Variants in CEP112 observed in about 807,000 individuals in gnomAD.
CEP112 encodes centrosomal protein 112, also known as centrosomal protein of 112 kDa.
Under a neutral mutation model 153.0 loss-of-function variants are expected in CEP112, and 127 were observed. That is an observed-to-expected ratio of 0.83 (90% confidence interval 0.72 to 0.96). CEP112 has a LOEUF of 0.96. Among genes scored for constraint, CEP112 ranks in the 40% least tolerant of loss-of-function variants. The pLI is 0.00. For synonymous variants in CEP112, 358 were observed against 374.4 expected, an observed-to-expected ratio of 0.96 and a Z score of 0.51; for missense variants, 1,089 against 1,101.2, an observed-to-expected ratio of 0.99 and a Z score of 0.16.
In CEP112 at chr17:66,052,558, C is replaced by T. The variant is rs142211261; in HGVS notation, c.1218+1178G>A. On this transcript the variant is annotated intron_variant, in intron 12 of 26. Transcript: ENST00000535342. Reference sequence around the variant, plus strand: ...TGGGAGATCCTCTATCTCATCCTGACCAGTGTCACAGGTCTCTCTGCTGTG... The same window carrying T: ...TGGGAGATCCTCTATCTCATCCTGATCAGTGTCACAGGTCTCTCTGCTGTG... Among the ~76,000 whole-genome samples, 9 of 152,228 alleles carry T rather than the reference C, an allele frequency of 5.9e-5. No individual in the cohort carries two copies. In the East Asian group the frequency reaches 1.5e-3, roughly 26 times the overall value.
intron 14 of CEP112, 77 bp from the exon 15 acceptor site, chr17:66,028,482 T>C (rs1196165280): frequency 4.0e-6 from 3 of 752,826 alleles, no homozygotes; most frequent in South Asian, 2.7e-5. Context: ...TGAAAAAATA[T>C]GCCTTTTGTA....
chr17:65,877,976 G>A (rs2058898109), intron 20 of CEP112, among the ~76,000 whole-genome samples: 2 of 152,158 alleles, frequency 1.3e-5, no homozygotes, highest in Non-Finnish European at 2.9e-5. Flanking sequence ...CTTATATGTG[G>A]ACTCTAAAAT....
At chr17:65,995,971 C>T (rs1259550880) in intron 17 of CEP112, among the ~76,000 whole-genome samples, 2 of 152,170 alleles carry the variant, frequency 1.3e-5, no homozygotes, top group Non-Finnish European at 1.5e-5. Context: ...TCCCCAGCCA[C>T]ATGGAACTGT....
chr17:65,734,243 G>C (rs1199171014), intron 23 of CEP112, among the ~76,000 whole-genome samples: 2 of 152,218 alleles, frequency 1.3e-5, no homozygotes, highest in African/African-American at 4.8e-5. Context: ...AAAGGGAAAG[G>C]ATACTTTACA....
chr17:66,030,046 A>C, intron 12 of CEP112, 23 bp from the exon 13 acceptor site: 2 of 1,604,340 alleles, frequency 1.2e-6, no homozygotes, highest in Non-Finnish European at 1.7e-6. Context: ...GTCATGGTTA[A>C]GAAAGTCTCT....
At position 66,012,922 on chromosome 17, in the gene CEP112, CT is replaced by C. The variant is rs551166411; in HGVS notation, c.1657-7154del. On this transcript the variant is annotated intron_variant, in intron 16 of 26. Transcript: ENST00000535342. ...TTTCTCTGAAGTTGTTTTCATTTTA[CT>C]TTTTTTTTTCTTTATTTTTGTCTGA... is the stretch of plus-strand genomic sequence containing the variant. 3.3e-3 allele frequency among the ~76,000 whole-genome samples: 491 copies of C among 150,054 alleles called. 6 individuals carry two copies. The highest frequency in any genetic ancestry group is 9.1e-3 in the South Asian group (43 of 4,730).
chr17:65,906,996 G>A (rs1233589307), intron 19 of CEP112, among the ~76,000 whole-genome samples: 1 of 152,174 alleles, frequency 6.6e-6, no homozygotes, highest in Non-Finnish European at 1.5e-5. Context: ...AGATCTTCTT[G>A]AAAGCCTCAG....
chr17:65,976,735 C>CTTTCTTTTTT (rs1555743390), intron 17 of CEP112, among the ~76,000 whole-genome samples: 1 of 85,358 alleles, frequency 1.2e-5, no homozygotes. Context: ...ATAACTTTTT[C>CTTTCTTTTTT]TTTTTTTTTT....
intron 4 of CEP112, among the ~76,000 whole-genome samples, chr17:66,154,254 T>G (rs1275935453): frequency 6.6e-6 from 1 of 151,834 alleles, no homozygotes; most frequent in African/African-American, 2.4e-5. Flanking sequence ...GTGGCTCATG[T>G]CTTTAATCAC....
intron 23 of CEP112, among the ~76,000 whole-genome samples, chr17:65,706,708 G>A (rs1287012848): frequency 1.3e-5 from 2 of 152,106 alleles, no homozygotes; most frequent in East Asian, 1.9e-4. Context: ...CAGGAACTGC[G>A]AGGACACCCT....
intron 18 of CEP112, among the ~76,000 whole-genome samples, chr17:65,956,016 A>G (rs1252961939): frequency 6.6e-6 from 1 of 152,244 alleles, no homozygotes; most frequent in Non-Finnish European, 1.5e-5. Context: ...AGATATTTAC[A>G]GAACATTCTA....
chr17:66,187,314 T>C (rs1010604080), intron 1 of CEP112, among the ~76,000 whole-genome samples: 1 of 152,158 alleles, frequency 6.6e-6, no homozygotes, highest in Non-Finnish European at 1.5e-5. Flanking sequence ...ATTCGCCAAA[T>C]CCACTTACTT....
chr17:65,809,257 G>A (rs2055807149), intron 21 of CEP112, among the ~76,000 whole-genome samples: 1 of 152,186 alleles, frequency 6.6e-6, no homozygotes, highest in African/African-American at 2.4e-5. Context: ...GTAACTGAGG[G>A]GGAGAGGAGT....
chr17:65,702,011 G>C (rs903377317), intron 23 of CEP112, among the ~76,000 whole-genome samples: 1 of 151,388 alleles, frequency 6.6e-6, no homozygotes, highest in Non-Finnish European at 1.5e-5. Flanking sequence ...GAGTAGCTGG[G>C]ATTGTAGGCA....
chr17:66,035,797 A>G (rs2065713556), intron 12 of CEP112, among the ~76,000 whole-genome samples: 1 of 152,150 alleles, frequency 6.6e-6, no homozygotes, highest in Non-Finnish European at 1.5e-5. Context: ...TGCTCCAAGA[A>G]CCACCACAGA....
intron 17 of CEP112, among the ~76,000 whole-genome samples, chr17:65,965,225 G>C (rs1448519144): frequency 6.6e-6 from 1 of 151,980 alleles, no homozygotes; most frequent in Non-Finnish European, 1.5e-5. Context: ...TTAGCTATCC[G>C]TCAGATAATT....
At chr17:66,182,617 C>T (rs230559) in intron 2 of CEP112, among the ~76,000 whole-genome samples, 102,966 of 152,048 alleles carry the variant, frequency 0.68, 36,512 homozygotes, top group Non-Finnish European at 0.78. Context: ...CAAAATTCTC[C>T]CCAATTGTTC....
At chr17:65,970,215 G>T (rs1266008542) in intron 17 of CEP112, among the ~76,000 whole-genome samples, 1 of 114,236 alleles carries the variant, frequency 8.8e-6, no homozygotes, top group Non-Finnish European at 1.8e-5. Flanking sequence ...TGTCATGCAT[G>T]CATATACCAT....
chr17:66,169,282 C>CTTTTTTT (rs538896272), intron 4 of CEP112, among the ~76,000 whole-genome samples: 2 of 120,968 alleles, frequency 1.7e-5, no homozygotes, highest in African/African-American at 6.4e-5. Flanking sequence ...TTAATTTCTT[C>CTTTTTTT]TTTTTTTTTT....
Sources: gnomAD v4.1 joint callset for allele counts (sites outside exome capture counted in the v4.1 genomes callset) on GRCh38, gnomAD v4.1.1 for gene constraint, MANE v1.5 for transcripts, NCBI Gene and HGNC (gene_info 2026-07-23, HGNC 2026-07-21) for gene names.